Variants in RAPGEF6 observed in about 807,000 individuals in gnomAD.
The protein encoded by RAPGEF6 is Rap guanine nucleotide exchange factor 6, also known as PDZ domain containing guanine nucleotide exchange factor (GEF) 2.
In RAPGEF6, 56 loss-of-function variants were observed where a neutral mutation model predicts 171.4. The observed-to-expected ratio is 0.33, with a 90% confidence interval of 0.26 to 0.41. The LOEUF is 0.41. Ranked by LOEUF, RAPGEF6 falls within the 10% of genes least tolerant of loss-of-function variation. The probability of loss-of-function intolerance (pLI) is 1.00; values close to 1 mark genes in which losing one functional copy is unlikely to be tolerated. For missense variants in RAPGEF6, 1,674 were observed against 1,921.4 expected (o/e 0.87, Z 2.41); for synonymous variants, 692 against 650.1 (o/e 1.06, Z -0.98).
intron 6 of RAPGEF6, among the ~76,000 whole-genome samples, chr5:131,531,346 G>C (rs1270374588): frequency 6.6e-6 from 1 of 152,164 alleles, no homozygotes; most frequent in East Asian, 1.9e-4. Flanking sequence ...AGACAGGAAA[G>C]ATAACTTGAG....
chr5:131,544,680 AT>A (rs1366780283), intron 6 of RAPGEF6, among the ~76,000 whole-genome samples: 2 of 152,220 alleles, frequency 1.3e-5, no homozygotes, highest in African/African-American at 4.8e-5. Context: ...TCAAAATTTC[AT>A]TTAAAAAAAA....
At position 131,507,095 on chromosome 5, in the gene RAPGEF6, ATTTAC is replaced by A. The variant is rs377064921; in HGVS notation, c.942+971_942+975del. ...TATTATAACCTACAGCTATATAATA[ATTTAC>A]TTAACCATCGCTTATCACTGGATGT... On this transcript the variant is annotated intron_variant, in intron 9 of 27. Transcript: ENST00000509018. 2.1e-4 allele frequency among the ~76,000 whole-genome samples: 31 copies of A among 149,144 alleles called. No individual in the cohort carries two copies. In the East Asian group the frequency reaches 5.8e-3, roughly 28 times the overall value.
chr5:131,560,159 CTTT>C (rs2149965296), intron 5 of RAPGEF6, among the ~76,000 whole-genome samples: 1 of 152,164 alleles, frequency 6.6e-6, no homozygotes, highest in Non-Finnish European at 1.5e-5. Flanking sequence ...CTTGATGTGA[CTTT>C]TTATTTTATA....
At position 131,510,419 on chromosome 5, in the gene RAPGEF6, C is replaced by T. The variant is rs770004750; in HGVS notation, c.700G>A (p.Glu234Lys). 7 of 1,613,996 alleles carry T rather than the reference C, an allele frequency of 4.3e-6. No homozygotes were observed. In the East Asian group the frequency reaches 1.1e-4, roughly 26 times the overall value. The change falls in exon 8 of 28, where the codon GAA (glutamate) becomes AAA (lysine). Residue 234 changes from glutamate to lysine, a missense_variant. Glu to Lys is a moderately conservative substitution (Grantham distance 56). This residue lies in a region of RAPGEF6 where 1,116 missense variants were observed against 1,321.5 expected (regional missense o/e 0.84). Transcript: ENST00000509018. ...CGATCAATCTCTTCATCTTCCTCTT[C>T]GTCATCCTCAGAATCAACAGGTCCT... is the stretch of plus-strand genomic sequence containing the variant. ...PEGPVDSEDDEEEDEEIDRTD... is the reference protein window; with the variant it reads ...PEGPVDSEDDKEEDEEIDRTD...
At chr5:131,489,456 A>G (rs1465085008) in intron 15 of RAPGEF6, 90 bp downstream of exon 15, 7 of 734,014 alleles carry the variant, frequency 9.5e-6, no homozygotes, top group Non-Finnish European at 1.6e-5. Flanking sequence ...AAACATGTTT[A>G]TATTTTACTA....
chr5:131,560,444 C>T (rs1761527465), intron 5 of RAPGEF6, among the ~76,000 whole-genome samples: 1 of 152,128 alleles, frequency 6.6e-6, no homozygotes, highest in South Asian at 2.1e-4. Flanking sequence ...AAAACAAGCA[C>T]TAAAACAGAA....
intron 19 of RAPGEF6, among the ~76,000 whole-genome samples, chr5:131,458,322 C>T (rs1753663464): frequency 6.6e-6 from 1 of 152,094 alleles, no homozygotes; most frequent in Non-Finnish European, 1.5e-5. Flanking sequence ...TGGCACTTCC[C>T]CCCTCACTCT....
intron 4 of RAPGEF6, among the ~76,000 whole-genome samples, chr5:131,564,207 A>C (rs1236144590): frequency 6.6e-6 from 1 of 152,200 alleles, no homozygotes; most frequent in African/African-American, 2.4e-5. Context: ...AGTGTTCCTG[A>C]AAAGAGGGAG....
chr5:131,512,710 T>A (rs1169629606), intron 7 of RAPGEF6, among the ~76,000 whole-genome samples: 1 of 152,174 alleles, frequency 6.6e-6, no homozygotes, highest in Non-Finnish European at 1.5e-5. Flanking sequence ...CTCCTCAAAA[T>A]TCTTATTTTG....
intron 4 of RAPGEF6, among the ~76,000 whole-genome samples, chr5:131,587,770 C>T (rs1274705179): frequency 6.6e-6 from 1 of 152,130 alleles, no homozygotes; most frequent in East Asian, 1.9e-4. Context: ...AACTCCTCTT[C>T]CCCAAAGGAA....
At chr5:131,610,746 T>C (rs2150023361) in intron 1 of RAPGEF6, among the ~76,000 whole-genome samples, 1 of 152,052 alleles carries the variant, frequency 6.6e-6, no homozygotes, top group East Asian at 1.9e-4. Context: ...CCCACCACCA[T>C]CTCTTGTCTA....
intron 5 of RAPGEF6, among the ~76,000 whole-genome samples, chr5:131,548,494 T>C (rs1235693578): frequency 6.6e-6 from 1 of 152,216 alleles, no homozygotes; most frequent in East Asian, 1.9e-4. Context: ...ATTCAATAAT[T>C]ACAACTTGAG....
chr5:131,521,254 T>C, intron 7 of RAPGEF6, 136 bp downstream of exon 7: 2 of 883,654 alleles, frequency 2.3e-6, no homozygotes, highest in South Asian at 2.3e-5. Context: ...ACACAGTATA[T>C]AAAGCTTATT....
intron 21 of RAPGEF6, among the ~76,000 whole-genome samples, chr5:131,449,682 T>G (rs1314658542): frequency 6.6e-6 from 1 of 152,166 alleles, no homozygotes. Flanking sequence ...TATAGGGTAG[T>G]AGTAGAATTA....
At chr5:131,489,705 CCTA>C (rs751766310) in intron 14 of RAPGEF6, 51 bp from the exon 15 acceptor site, 2 of 988,866 alleles carry the variant, frequency 2.0e-6, no homozygotes, top group Non-Finnish European at 3.0e-6. Flanking sequence ...ATTAGTTACT[CCTA>C]CAACCTTAAA....
intron 1 of RAPGEF6, among the ~76,000 whole-genome samples, chr5:131,625,709 G>A (rs548385568): frequency 2.0e-5 from 3 of 152,062 alleles, no homozygotes; most frequent in East Asian, 3.9e-4. Flanking sequence ...CCAGCTACTC[G>A]GGAGGCTGAG....
chr5:131,551,340 C>T (rs1168154555), intron 5 of RAPGEF6, among the ~76,000 whole-genome samples: 4 of 151,930 alleles, frequency 2.6e-5, no homozygotes, highest in Non-Finnish European at 5.9e-5. Context: ...GGCGAAACCC[C>T]ATCTCTACTA....
intron 6 of RAPGEF6, among the ~76,000 whole-genome samples, chr5:131,523,793 AAAAC>A (rs138307131): frequency 6.0e-5 from 9 of 150,874 alleles, no homozygotes; most frequent in Non-Finnish European, 1.0e-4. Context: ...GCAAGATAAA[AAAAC>A]AAACAAACAA....
At chr5:131,479,899 C>T in intron 15 of RAPGEF6, 146 bp from the exon 16 acceptor site, 1 of 798,174 alleles carries the variant, frequency 1.3e-6, no homozygotes, top group Non-Finnish European at 1.9e-6. Context: ...AAGTATTTAC[C>T]CGTCCTTTAG....
Sources: gnomAD v4.1 joint callset for allele counts (sites outside exome capture counted in the v4.1 genomes callset) on GRCh38, gnomAD v4.1.1 for gene constraint, gnomAD v4.1.1 regional missense constraint, MANE v1.5 for transcripts, NCBI Gene and HGNC (gene_info 2026-07-23, HGNC 2026-07-21) for gene names.